Variants in GSDMA observed in about 807,000 individuals in gnomAD.
GSDMA encodes the protein gasdermin-A.
GSDMA carries 55 observed loss-of-function variants against 54.3 expected under a neutral mutation model. The observed-to-expected ratio is 1.01, with a 90% CI of 0.82 to 1.27. The LOEUF (loss-of-function observed/expected upper bound fraction) is 1.27, where lower values mean the gene tolerates loss of function less well. GSDMA is among the 50% of genes most tolerant of loss of function. GSDMA has a pLI of 0.00. For synonymous variants in GSDMA, 211 were observed against 224.7 expected (o/e 0.94, Z 0.54); for missense variants, 542 against 542.6 (o/e 1.00, Z 0.01).
intron 3 of GSDMA, among the ~76,000 whole-genome samples, chr17:39,967,484 C>T (rs1404121443): frequency 6.6e-6 from 1 of 152,124 alleles, no homozygotes; most frequent in African/African-American, 2.4e-5. Flanking sequence ...GTAGAACGAG[C>T]AGGAAATGCA....
At chr17:39,970,437 C>T in intron 3 of GSDMA, 45 bp from the exon 4 acceptor site, 1 of 1,483,506 alleles carries the variant, frequency 6.7e-7, no homozygotes, top group Non-Finnish European at 9.0e-7. Context: ...GTGGTACAGG[C>T]AGGAAGGAGC....
rs567090918 is a variant in GSDMA at position 39,976,732 on chromosome 17, T to G, written c.1096-84T>G. 24 of 1,555,814 alleles carry G rather than the reference T, an allele frequency of 1.5e-5. No homozygotes were observed. The South Asian group carries it at 2.7e-4, about 18-fold the overall frequency. Reference sequence around the variant, plus strand: ...AAGTAAGGAATTCTAATAAGGGGAATGTAACCTTCTTGTGATTTTTGTGAG... The same window carrying G: ...AAGTAAGGAATTCTAATAAGGGGAAGGTAACCTTCTTGTGATTTTTGTGAG... On this transcript the variant is annotated intron_variant, in intron 11 of 11. Transcript: ENST00000301659.
At chr17:39,968,502 T>C (rs1979781820) in intron 3 of GSDMA, among the ~76,000 whole-genome samples, 1 of 151,340 alleles carries the variant, frequency 6.6e-6, no homozygotes, top group African/African-American at 2.4e-5. Context: ...CGCACGCCAC[T>C]ACATCCAGCT....
chr17:39,974,334 G>A lies in GSDMA; in HGVS notation c.813G>A (p.Val271=). The A allele has an allele frequency of 6.2e-7, 1 of 1,609,788 alleles. No homozygotes were observed. Among genetic ancestry groups the A allele is most frequent in the Non-Finnish European group, 8.5e-7 (1 of 1,178,100 alleles). ...KEEVQRETQQ[V]EKLSRVGQSS... ...AAGTTCAGAGAGAGACCCAACAAGT[G>A]GAGAAGCTGAGCCGAGTAGGGCAAA... The change falls in exon 9 of 12, where the codon GTG becomes GTA. Residue 271 remains valine, a synonymous_variant. Transcript: ENST00000301659.
At chr17:39,968,413 T>C (rs943820194) in intron 3 of GSDMA, among the ~76,000 whole-genome samples, 1 of 133,732 alleles carries the variant, frequency 7.5e-6, no homozygotes, top group African/African-American at 2.8e-5. Context: ...AGTGACACGA[T>C]ACCAGGTCAC....
Position 39,976,802 on chromosome 17 carries a change from T to C in GSDMA, c.1096-14T>C. ...TCCAGTTCTTTCTTTTCATGCTGTT[T>C]TGATTCCCTCCAGGTGGAGAGCACG... On this transcript the variant is annotated splice_polypyrimidine_tract_variant and intron_variant, in intron 11 of 11. Transcript: ENST00000301659. 1 of 1,613,442 alleles carries C rather than the reference T, an allele frequency of 6.2e-7. No homozygotes were observed. Among genetic ancestry groups the C allele is most frequent in the Non-Finnish European group, 8.5e-7 (1 of 1,179,438 alleles).
chr17:39,965,665 G>C lies in GSDMA; in HGVS notation c.-5-18G>C, dbSNP rs771218256. ...TTGGCAGCCACCTTGACACTCTCCT[G>C]TCTCCCCACCTCCACAGAGACAATG... is the stretch of plus-strand genomic sequence containing the variant. On this transcript the variant is annotated intron_variant, in intron 1 of 11. Transcript: ENST00000301659. 3.0e-5 allele frequency: 48 copies of C among 1,577,490 alleles called. No individual in the cohort carries two copies. The highest frequency in any genetic ancestry group is 3.8e-5 in the Non-Finnish European group (44 of 1,160,790).
chr17:39,965,842 G>C lies in GSDMA; in HGVS notation c.155G>C (p.Arg52Pro). Residue 52 changes from arginine (R) to proline (P), a missense_variant, in exon 2 of 12, where the codon CGG (arginine) becomes CCG (proline). Coordinates refer to ENST00000301659, the MANE Select transcript of GSDMA (RefSeq NM_178171.5). ...AAGAGCACGCTCTTCTGGGGGGCCC[G>C]GTACGTCCGCACCGACTACACGCTG... ...KRKSTLFWGARYVRTDYTLLD... is the reference protein window; with the variant it reads ...KRKSTLFWGAPYVRTDYTLLD... 4 of 1,573,880 alleles carry C rather than the reference G, an allele frequency of 2.5e-6. No individual in the cohort carries two copies. Among genetic ancestry groups the C allele is most frequent in the Non-Finnish European group, 2.6e-6 (3 of 1,160,242 alleles).
Position 39,977,591 on chromosome 17 carries a change from C to T in GSDMA, c.*533C>T, listed in dbSNP as rs947462315. On this transcript the variant is annotated 3_prime_UTR_variant, in exon 12 of 12. Coordinates refer to ENST00000301659, the MANE Select transcript of GSDMA (RefSeq NM_178171.5). Reference sequence around the variant, plus strand: ...ACAGGCGTGAGCCACCGTGCCCGGCCTGTGCTTAAATATTCTAGGAGTAGA... The same window carrying T: ...ACAGGCGTGAGCCACCGTGCCCGGCTTGTGCTTAAATATTCTAGGAGTAGA... The T allele has an allele frequency of 1.3e-5, 2 of 152,492 alleles. No individual in the cohort carries two copies. The highest frequency in any genetic ancestry group is 1.9e-4 in the East Asian group (1 of 5,336). The allele number at this position is 152,492 out of a possible 1,614,324, so 9.4% of individuals were successfully genotyped here.
At chr17:39,974,250 G>A (rs1349921523) in intron 8 of GSDMA, 23 bp from the exon 9 acceptor site, 4 of 1,593,436 alleles carry the variant, frequency 2.5e-6, no homozygotes, top group Non-Finnish European at 3.4e-6. Context: ...GGAGGGCTGT[G>A]TGTCCCATTA....
rs1980108736 is a variant in GSDMA, at chr17:39,974,429, T to G, written c.906+2T>G. 6.4e-7 allele frequency: 1 copy of G among 1,572,606 alleles called. No individual in the cohort carries two copies. Among genetic ancestry groups the G allele is most frequent in the African/African-American group, 1.4e-5 (1 of 73,314 alleles). On this transcript the variant is annotated splice_donor_variant, in intron 9 of 11. Transcript: ENST00000301659. LOFTEE classifies it high-confidence loss of function. The stretch of plus-strand genomic sequence containing the variant: ...GAGCTACAAGACCTTGAGCTCGCAG[T>G]GAGGACCTAGTGGAAGTGGGGAAGG...
At chr17:39,969,280 C>T (rs1019396117) in intron 3 of GSDMA, among the ~76,000 whole-genome samples, 2 of 150,564 alleles carry the variant, frequency 1.3e-5, no homozygotes, top group African/African-American at 4.9e-5. Flanking sequence ...AGCCCAAGAG[C>T]TCAAGTCTGC....
intron 7 of GSDMA, 75 bp downstream of exon 7, chr17:39,972,688 T>C (rs1980008023): frequency 8.3e-7 from 1 of 1,203,380 alleles, no homozygotes; most frequent in Admixed American, 1.9e-5. Context: ...TCTTTCCTTC[T>C]GACAGGACTG....
intron 7 of GSDMA, among the ~76,000 whole-genome samples, chr17:39,972,844 C>A (rs10852937): frequency 6.6e-6 from 1 of 152,038 alleles, no homozygotes; most frequent in Non-Finnish European, 1.5e-5. Context: ...AACAGCCTTA[C>A]TAGCAGCCAG....
In GSDMA at chr17:39,977,044, A is replaced by G; in HGVS notation, c.1324A>G (p.Thr442Ala). The G allele has an allele frequency of 6.2e-7, 1 of 1,613,826 alleles. No homozygotes were observed. The highest frequency in any genetic ancestry group is 8.5e-7 in the Non-Finnish European group (1 of 1,179,844). ...YAGLSLLQQL[T>A]KAS Reference sequence around the variant, plus strand: ...AGGCCTCTCTCTCCTTCAGCAGCTTACCAAGGCCTCCTAATTTGCCTTTTA... The same window carrying G: ...AGGCCTCTCTCTCCTTCAGCAGCTTGCCAAGGCCTCCTAATTTGCCTTTTA... The change falls in exon 12 of 12, where the codon ACC becomes GCC. Residue 442 changes from threonine to alanine, a missense_variant. Transcript: ENST00000301659.
At chr17:39,974,836 T>C in intron 9 of GSDMA, 64 bp from the exon 10 acceptor site, 1 of 859,996 alleles carries the variant, frequency 1.2e-6, no homozygotes. Context: ...GGTTATTATG[T>C]GCTGGGCCCT....
chr17:39,972,821 G>A (rs1177095194), intron 7 of GSDMA, among the ~76,000 whole-genome samples: 3 of 151,778 alleles, frequency 2.0e-5, no homozygotes, highest in African/African-American at 7.3e-5. Context: ...TGACGCCTGA[G>A]ACCTTTGTCC....
intron 11 of GSDMA, 110 bp from the exon 12 acceptor site, chr17:39,976,706 A>G (rs1385701574): frequency 1.4e-5 from 20 of 1,430,066 alleles, no homozygotes; most frequent in Non-Finnish European, 1.6e-5. Flanking sequence ...AATGTAAGGT[A>G]AAGTAAGGAA....
intron 3 of GSDMA, among the ~76,000 whole-genome samples, chr17:39,968,581 C>G (rs1450174986): frequency 6.7e-6 from 1 of 148,972 alleles, no homozygotes; most frequent in African/African-American, 2.5e-5. Context: ...CTCCTGACCT[C>G]AGGTGATCCG....
Sources: allele counts gnomAD v4.1 joint callset (sites outside exome capture counted in the v4.1 genomes callset), GRCh38; gene constraint gnomAD v4.1.1; transcripts MANE v1.5; gene names NCBI Gene and HGNC (gene_info 2026-07-23, HGNC 2026-07-21).